The following SPAG16 variants were observed in gnomAD, a reference collection of about 807,000 sequenced individuals.
The protein encoded by SPAG16 is sperm-associated antigen 16 protein.
A neutral mutation model predicts 80.4 loss-of-function variants in SPAG16; 86 were observed. The ratio of observed to expected loss-of-function variants is 1.07; its 90% CI spans 0.90 to 1.28. The LOEUF (loss-of-function observed/expected upper bound fraction) is 1.28. Ranked by LOEUF, SPAG16 falls within the 50% of genes most tolerant of loss-of-function variation. The pLI is 0.00. For missense variants in SPAG16, 870 were observed against 765.3 expected, an observed-to-expected ratio of 1.14 and a Z score of -1.61; for synonymous variants, 294 against 265.9, an observed-to-expected ratio of 1.11 and a Z score of -1.03.
At chr2:213,386,671 T>C (rs1482634198) in intron 9 of SPAG16, among the ~76,000 whole-genome samples, 3 of 152,230 alleles carry the variant, frequency 2.0e-5, no homozygotes, top group Non-Finnish European at 4.4e-5. Flanking sequence ...ATTTTACTTA[T>C]ATATTTTACA....
intron 13 of SPAG16, among the ~76,000 whole-genome samples, chr2:214,027,868 T>C (rs2048215132): frequency 6.6e-6 from 1 of 151,990 alleles, no homozygotes; most frequent in African/African-American, 2.4e-5. Flanking sequence ...TCAAACTAGT[T>C]GAACATTTTT....
At chr2:214,032,760 G>T (rs1175884039) in intron 13 of SPAG16, among the ~76,000 whole-genome samples, 1 of 152,146 alleles carries the variant, frequency 6.6e-6, no homozygotes, top group Non-Finnish European at 1.5e-5. Context: ...ATTAATTTTT[G>T]ATGTAGATTT....
rs1271322704 is a variant in SPAG16 at position 213,525,279 on chromosome 2, CTTTTCTTTTTTTT to C, written c.1070+35194_1070+35206del. Among the ~76,000 whole-genome samples, 3 of 132,420 alleles carry C rather than the reference CTTTTCTTTTTTTT, an allele frequency of 2.3e-5. No homozygotes were observed. The East Asian group carries it at 6.6e-4, about 29-fold the overall frequency. The allele number at this position is 132,420 out of a possible 152,430, so 86.9% of individuals were successfully genotyped here. A position where few individuals can be genotyped will look rare whatever the true frequency, so the allele number is the denominator to read the frequency against. ...CTGTAAATCAATTAAACCTCTTTTC[CTTTTCTTTTTTTT>C]TTTTTTTTTTTTTTGAGACAGAGTC... On this transcript the variant is annotated intron_variant, in intron 10 of 15. Transcript: ENST00000331683.
At chr2:213,666,413 G>A (rs549099325) in intron 10 of SPAG16, among the ~76,000 whole-genome samples, 28 of 152,114 alleles carry the variant, frequency 1.8e-4, no homozygotes, top group East Asian at 5.8e-4. Flanking sequence ...TTGACACTGC[G>A]AAAGAAAAGA....
At chr2:213,812,122 G>A (rs1338980660) in intron 10 of SPAG16, among the ~76,000 whole-genome samples, 2 of 152,138 alleles carry the variant, frequency 1.3e-5, no homozygotes, top group African/African-American at 4.8e-5. Context: ...CCTGATAAGT[G>A]AACTCTGGTC....
intron 11 of SPAG16, among the ~76,000 whole-genome samples, chr2:213,901,033 A>T (rs1371725288): frequency 4.6e-5 from 7 of 152,188 alleles, no homozygotes; most frequent in Admixed American, 4.6e-4. Flanking sequence ...TTTCCAAAGA[A>T]ATTTAGAAGG....
At chr2:213,721,021 G>T (rs893070797) in intron 10 of SPAG16, among the ~76,000 whole-genome samples, 1 of 150,432 alleles carries the variant, frequency 6.6e-6, no homozygotes, top group Admixed American at 6.6e-5. Flanking sequence ...CAAAGTGCTG[G>T]GATTACAGGT....
chr2:213,632,514 A>G (rs1319409021), intron 10 of SPAG16, among the ~76,000 whole-genome samples: 1 of 152,092 alleles, frequency 6.6e-6, no homozygotes, highest in Admixed American at 6.5e-5. Flanking sequence ...ATGTTGAATA[A>G]CAAGGATGAC....
intron 9 of SPAG16, among the ~76,000 whole-genome samples, chr2:213,459,070 C>T (rs2072207384): frequency 6.6e-6 from 1 of 152,072 alleles, no homozygotes; most frequent in Non-Finnish European, 1.5e-5. Flanking sequence ...AATTTCTCCC[C>T]TTTTTTTACT....
At chr2:214,083,711 G>A (rs576416315) in intron 13 of SPAG16, among the ~76,000 whole-genome samples, 12 of 152,016 alleles carry the variant, frequency 7.9e-5, no homozygotes, top group African/African-American at 2.9e-4. Context: ...TCTAGATTTG[G>A]GGGTACATGT....
intron 13 of SPAG16, among the ~76,000 whole-genome samples, chr2:214,096,426 C>G (rs1162153683): frequency 2.0e-5 from 3 of 151,802 alleles, no homozygotes. Context: ...AAAGGAATCC[C>G]CAGAGGGTTT....
In SPAG16 at chr2:214,331,364, C is replaced by T. The variant is rs10184870; in HGVS notation, c.1721-78776C>T. Among the ~76,000 whole-genome samples the T allele has an allele frequency of 7.7e-3, 1,176 of 152,248 alleles. 16 individuals are homozygous for T. The highest frequency in any genetic ancestry group is 0.027 in the African/African-American group (1,124 of 41,548). On this transcript the variant is annotated intron_variant, in intron 15 of 15. Transcript: ENST00000331683. ...TGACTCCTCTGCTTTTCTTCTGGGC[C>T]GTTGGCATGATGAGCCTGAAGTGAC... is the stretch of plus-strand genomic sequence containing the variant.
At chr2:213,979,207 T>C (rs1198482504) in intron 12 of SPAG16, among the ~76,000 whole-genome samples, 3 of 151,926 alleles carry the variant, frequency 2.0e-5, no homozygotes, top group Non-Finnish European at 4.4e-5. Context: ...ACTACTACAC[T>C]ACAACTTCTG....
chr2:214,236,013 G>T (rs982283109), intron 15 of SPAG16, among the ~76,000 whole-genome samples: 1 of 152,104 alleles, frequency 6.6e-6, no homozygotes, highest in African/African-American at 2.4e-5. Context: ...AAGAAAATGG[G>T]CATTAAATTC....
At chr2:214,327,944 GGT>G (rs1164882443) in intron 15 of SPAG16, among the ~76,000 whole-genome samples, 1 of 152,086 alleles carries the variant, frequency 6.6e-6, no homozygotes, top group Non-Finnish European at 1.5e-5. Context: ...GTATCAGCAG[GGT>G]GGGTTATGAA....
chr2:213,317,230 T>C lies in SPAG16; in HGVS notation c.410T>C (p.Ile137Thr), dbSNP rs752495872. The C allele has an allele frequency of 6.3e-6, 10 of 1,594,218 alleles. 1 individual carries two copies. The African/African-American group carries it at 1.2e-4, about 19-fold the overall frequency. The part of the protein sequence containing the change: ...DCFQSEWYEL[I>T]QKGVTELRTV... ...TGATTTTATCCTAGGTATGAGTTAA[T>C]ACAGAAAGGAGTGACTGAACTTAGA... Residue 137 changes from isoleucine (I) to threonine (T), a missense_variant, in exon 5 of 16, where the codon ATA becomes ACA. Coordinates refer to ENST00000331683, the MANE Select transcript of SPAG16 (RefSeq NM_024532.5).
At chr2:214,239,043 T>A (rs1026128502) in intron 15 of SPAG16, 2 of 152,340 alleles carry the variant, frequency 1.3e-5, no homozygotes, top group African/African-American at 4.8e-5. Context: ...CATAATATTT[T>A]TTTTTGAGAC....
intron 10 of SPAG16, among the ~76,000 whole-genome samples, chr2:213,652,898 A>T (rs546657701): frequency 6.6e-6 from 1 of 152,234 alleles, no homozygotes; most frequent in South Asian, 2.1e-4. Context: ...ATTCTGTGTC[A>T]TGTCTAAAAA....
intron 9 of SPAG16, among the ~76,000 whole-genome samples, chr2:213,382,386 T>C (rs1484625456): frequency 6.6e-6 from 1 of 152,174 alleles, no homozygotes; most frequent in Non-Finnish European, 1.5e-5. Context: ...TAATAGAGAA[T>C]ATGTAAAAGT....
Sources: allele counts gnomAD v4.1 joint callset (sites outside exome capture counted in the v4.1 genomes callset), GRCh38; gene constraint gnomAD v4.1.1; transcripts MANE v1.5; gene names NCBI Gene and HGNC (gene_info 2026-07-23, HGNC 2026-07-21).